The following PRKD2 variants were observed in gnomAD, a reference collection of about 807,000 sequenced individuals.
The protein encoded by PRKD2 is protein kinase D2.
A neutral mutation model predicts 86.0 loss-of-function variants in PRKD2; 22 were observed. That is an observed-to-expected ratio of 0.26 (90% CI 0.18 to 0.37). PRKD2 has a LOEUF of 0.37. Among genes scored for constraint, PRKD2 ranks in the 10% least tolerant of loss-of-function variants. The pLI is 1.00. For synonymous variants in PRKD2, 509 were observed against 510.9 expected, an observed-to-expected ratio of 1.00 and a Z score of 0.05; for missense variants, 818 against 1,199.2, an observed-to-expected ratio of 0.68 and a Z score of 4.70.
At position 46,681,766 on chromosome 19, in the gene PRKD2, G is replaced by T. The variant is rs1437293460; in HGVS notation, c.1972-18C>A. ...ACCAGGATCTGAGGGGAGCAGATGG[G>T]CCCAGTAAGAAAGGTAGATAGGTAC... On this transcript the variant is annotated intron_variant, in intron 14 of 17. Transcript: ENST00000291281. 1 of 1,551,270 alleles carries T rather than the reference G, an allele frequency of 6.4e-7. No individual in the cohort carries two copies.
Position 46,713,913 on chromosome 19 carries a change from C to T in PRKD2, c.329G>A (p.Arg110His), listed in dbSNP as rs1328358048. 1.2e-6 allele frequency: 2 copies of T among 1,613,094 alleles called. No homozygotes were observed. The highest frequency in any genetic ancestry group is 1.7e-5 in the Admixed American group (1 of 59,988). The change falls in exon 2 of 18, where the codon CGC (arginine) becomes CAC (histidine). Residue 110 changes from arginine (R) to histidine (H), a missense_variant. This residue lies in a region of PRKD2 where 403 missense variants were observed against 518.6 expected (regional missense o/e 0.78). Coordinates refer to ENST00000291281, the MANE Select transcript of PRKD2 (RefSeq NM_016457.5). ...GCCCTCCTGGATGTCTCCGGACGAG[C>T]GCACCAGCTGCAGGAGGTTGGCCGA... ...PTSANLLQLVRSSGDIQEGDL... is the reference protein window; with the variant it reads ...PTSANLLQLVHSSGDIQEGDL...
chr19:46,689,639 C>T lies in PRKD2; in HGVS notation c.1869G>A (p.Val623=), dbSNP rs781248439. Residue 623 remains valine (V), a synonymous_variant, in exon 14 of 18, where the codon GTG becomes GTA. Transcript: ENST00000291281. ...CATGCAGCTTCTCCATCACCACAAA[C>T]ACTTTCTCAGGCGTCTCGAACATGC... ...LECMFETPEK[V]FVVMEKLHGD... 1.2e-6 allele frequency: 2 copies of T among 1,614,176 alleles called. No homozygotes were observed. Among genetic ancestry groups the T allele is most frequent in the Non-Finnish European group, 8.5e-7 (1 of 1,180,016 alleles).
At chr19:46,691,589 C>T in intron 12 of PRKD2, 146 bp downstream of exon 12, 1 of 769,202 alleles carries the variant, frequency 1.3e-6, no homozygotes, top group Admixed American at 2.1e-5. Context: ...ATCAGTCCAC[C>T]CAGGATCTAG....
intron 9 of PRKD2, among the ~76,000 whole-genome samples, chr19:46,696,025 G>A (rs1373052549): frequency 1.3e-5 from 2 of 152,060 alleles, no homozygotes; most frequent in African/African-American, 4.8e-5. Flanking sequence ...TTTTAGTACA[G>A]ACAAGGTTTC....
intron 16 of PRKD2, among the ~76,000 whole-genome samples, chr19:46,675,961 A>C (rs2053195309): frequency 6.6e-6 from 1 of 151,716 alleles, no homozygotes; most frequent in East Asian, 1.9e-4. Flanking sequence ...GTAGAGATAC[A>C]TTGCCCAGGC....
chr19:46,709,508 C>T (rs908118692), intron 3 of PRKD2, among the ~76,000 whole-genome samples: 7 of 152,054 alleles, frequency 4.6e-5, no homozygotes, highest in Non-Finnish European at 1.0e-4. Context: ...GAATTACAGG[C>T]GTCCACCAAC....
rs372492871 is a variant in PRKD2 at position 46,689,718 on chromosome 19, G to T, written c.1810-20C>A. On this transcript the variant is annotated intron_variant, in intron 13 of 17. Transcript: ENST00000291281. ...CAGGCTCTGCAGGGTGGGGAGCGGGGTCAGGGCCCAGGTAACCCACAAACT... is the reference window on the plus strand; with the variant it reads ...CAGGCTCTGCAGGGTGGGGAGCGGGTTCAGGGCCCAGGTAACCCACAAACT... The T allele has an allele frequency of 6.2e-7, 1 of 1,613,628 alleles. No individual in the cohort carries two copies. The highest frequency in any genetic ancestry group is 8.5e-7 in the Non-Finnish European group (1 of 1,179,770).
intron 2 of PRKD2, among the ~76,000 whole-genome samples, chr19:46,711,862 G>A (rs2053814076): frequency 6.6e-6 from 1 of 151,754 alleles, no homozygotes; most frequent in South Asian, 2.1e-4. Context: ...GAGGTCAGAA[G>A]TTCGAAACCA....
chr19:46,694,573 C>T (rs760720077), intron 9 of PRKD2, among the ~76,000 whole-genome samples: 3 of 152,012 alleles, frequency 2.0e-5, no homozygotes, highest in African/African-American at 4.8e-5. Flanking sequence ...CCAGCCTGGG[C>T]GACAGAGTGA....
At chr19:46,675,891 G>A (rs748408725) in intron 16 of PRKD2, among the ~76,000 whole-genome samples, 14 of 151,836 alleles carry the variant, frequency 9.2e-5, no homozygotes, top group African/African-American at 3.1e-4. Context: ...TTAGCCTCCT[G>A]AGCAGCCAGC....
At chr19:46,689,399 C>T (rs776260207) in intron 14 of PRKD2, 138 bp downstream of exon 14, 50 of 1,071,000 alleles carry the variant, frequency 4.7e-5, no homozygotes, top group South Asian at 6.5e-5. Context: ...TGAGCCACTG[C>T]GCCCAGCCTG....
At chr19:46,714,267 C>G (rs980181410) in intron 1 of PRKD2, 1 of 1,234,488 alleles carries the variant, frequency 8.1e-7, no homozygotes, top group Non-Finnish European at 1.0e-6. Flanking sequence ...GCTCCGGGAG[C>G]GTGGACACCT....
intron 2 of PRKD2, among the ~76,000 whole-genome samples, chr19:46,712,758 G>A (rs10425955): frequency 0.61 from 93,429 of 151,986 alleles, 29,435 homozygotes; most frequent in African/African-American, 0.76. Context: ...AGCAGGGAAG[G>A]CAGCCATGAA....
Position 46,716,394 on chromosome 19 carries a change from C to T in PRKD2, c.-24G>A. 7.3e-7 allele frequency: 1 copy of T among 1,374,702 alleles called. No homozygotes were observed. Among genetic ancestry groups the T allele is most frequent in the Non-Finnish European group, 9.4e-7 (1 of 1,062,250 alleles). 85.2% of individuals were successfully genotyped at this position (1,374,702 alleles called of 1,614,324 possible). Reference sequence around the variant, plus strand: ...ATGGGGGGAGGCCGGGGACCGGCCGCCTGGAGCCCACCCGGGACCCGGCCG... The same window carrying T: ...ATGGGGGGAGGCCGGGGACCGGCCGTCTGGAGCCCACCCGGGACCCGGCCG... On this transcript the variant is annotated 5_prime_UTR_variant, in exon 1 of 18. Transcript: ENST00000291281. This position sits in a 1 kb window ranked among gnomAD's most constrained non-coding sequence, Gnocchi z 7.9.
intron 8 of PRKD2, chr19:46,697,457 C>T (rs2053577173): frequency 1.7e-6 from 1 of 590,660 alleles, no homozygotes; most frequent in African/African-American, 1.9e-5. Flanking sequence ...AGACTCGCCC[C>T]CACTTAGCCC....
At position 46,694,110 on chromosome 19, in the gene PRKD2, G is replaced by A. The variant is rs1462136914; in HGVS notation, c.1341C>T (p.Leu447=). The change falls in exon 10 of 18, where the codon CTC becomes CTT. Residue 447 remains leucine, a synonymous_variant. Coordinates refer to ENST00000291281, the MANE Select transcript of PRKD2 (RefSeq NM_016457.5). ...TGAAGTTCTGGGCGGACTCCACCGT[G>A]AGGATTTCTGACAGCGGAATTTCCT... ...YYKEIPLSEI[L]TVESAQNFSL... is the part of the protein sequence containing the mutation. 1 of 1,613,912 alleles carries A rather than the reference G, an allele frequency of 6.2e-7. No homozygotes were observed. Among genetic ancestry groups the A allele is most frequent in the African/African-American group, 1.3e-5 (1 of 74,956 alleles).
At chr19:46,684,316 A>G (rs2053362903) in intron 14 of PRKD2, among the ~76,000 whole-genome samples, 1 of 151,940 alleles carries the variant, frequency 6.6e-6, no homozygotes, top group Admixed American at 6.6e-5. Context: ...TGTGTTGTAT[A>G]TGTCATCTCC....
intron 15 of PRKD2, among the ~76,000 whole-genome samples, chr19:46,680,946 A>ATATATATATATATATTTTTTTTT: frequency 4.1e-5 from 2 of 48,258 alleles, no homozygotes; most frequent in African/African-American, 7.1e-5. Context: ...ATATATATAT[A>ATATATATATATATATTTTTTTTT]TTTTTTTTTT....
At position 46,713,829 on chromosome 19, in the gene PRKD2, A is replaced by AG; in HGVS notation, c.379+33dup. 1.1e-5 allele frequency: 7 copies of AG among 634,880 alleles called. No individual in the cohort carries two copies. The South Asian group carries it at 1.1e-4, about 10-fold the overall frequency. 39.3% of individuals were successfully genotyped at this position (634,880 alleles called of 1,614,324 possible). ...CCCCCAGATGCCCCGCCCCCACCCG[A>AG]GGCCCCGCCCCCAGGCCGGCCACCA... On this transcript the variant is annotated intron_variant, in intron 2 of 17. Coordinates refer to ENST00000291281, the MANE Select transcript of PRKD2 (RefSeq NM_016457.5).
Sources: allele counts gnomAD v4.1 joint callset (sites outside exome capture counted in the v4.1 genomes callset), GRCh38; gene constraint gnomAD v4.1.1; regional missense constraint gnomAD v4.1.1; non-coding constraint Gnocchi (gnomAD v3.1); transcripts MANE v1.5; gene names NCBI Gene and HGNC (gene_info 2026-07-23, HGNC 2026-07-21).